Variants in INTS14 observed in about 807,000 individuals in gnomAD.
The protein encoded by INTS14 is integrator complex subunit 14, also known as UPF0464 protein C15orf44.
INTS14 carries 27 observed loss-of-function variants against 56.9 expected under a neutral mutation model. That is an observed-to-expected ratio of 0.47 (90% CI 0.35 to 0.65). The LOEUF is 0.65. Ranked by LOEUF, INTS14 falls within the 30% of genes least tolerant of loss-of-function variation. INTS14 has a pLI of 0.00. For missense variants in INTS14, 517 were observed against 632.2 expected, an observed-to-expected ratio of 0.82 and a Z score of 1.95; for synonymous variants, 207 against 236.2, an observed-to-expected ratio of 0.88 and a Z score of 1.13.
chr15:65,585,604 CTG>C (rs1267506536), intron 9 of INTS14, among the ~76,000 whole-genome samples: 3 of 152,164 alleles, frequency 2.0e-5, no homozygotes, highest in Non-Finnish European at 4.4e-5. Context: ...GGGTTTGTCT[CTG>C]TACCTGCTTC....
Position 65,593,457 on chromosome 15 carries a change from C to T in INTS14, c.957G>A (p.Val319=), listed in dbSNP as rs1181972948. ...ATTGAACAATCGCTACCATTCCTTC[C>T]ACTTTTAGGCTACCATGGAGCAGGA... The part of the protein sequence containing the change: ...FCVLLHGSLK[V]EGMVAIVQLG... Residue 319 remains valine, a synonymous_variant, in exon 8 of 12, where the codon GTG becomes GTA. Coordinates refer to ENST00000313182, the MANE Select transcript of INTS14 (RefSeq NM_001394796.1). 2 of 1,613,276 alleles carry T rather than the reference C, an allele frequency of 1.2e-6. No individual in the cohort carries two copies. Among genetic ancestry groups the T allele is most frequent in the Non-Finnish European group, 8.5e-7 (1 of 1,179,696 alleles).
chr15:65,589,138 T>C (rs1479547447), intron 9 of INTS14, among the ~76,000 whole-genome samples: 1 of 152,206 alleles, frequency 6.6e-6, no homozygotes, highest in East Asian at 1.9e-4. Flanking sequence ...ATAGGCATCT[T>C]TGGTGAAAAC....
intron 9 of INTS14, among the ~76,000 whole-genome samples, chr15:65,588,513 C>T (rs1310481739): frequency 1.3e-5 from 2 of 151,540 alleles, no homozygotes; most frequent in Non-Finnish European, 2.9e-5. Context: ...ACTAAAAATA[C>T]AACAATTAGC....
intron 3 of INTS14, 132 bp downstream of exon 3, chr15:65,604,997 A>G: frequency 1.4e-6 from 1 of 690,234 alleles, no homozygotes; most frequent in Non-Finnish European, 2.5e-6. Context: ...CCTTCACTTA[A>G]GAAGATACCA....
chr15:65,583,325 A>C (rs1424858054), intron 10 of INTS14, among the ~76,000 whole-genome samples: 1 of 152,370 alleles, frequency 6.6e-6, no homozygotes, highest in East Asian at 1.9e-4. Flanking sequence ...TGACATATAC[A>C]TATAGACATA....
Position 65,595,827 on chromosome 15 carries a change from T to G in INTS14, c.749-2A>C. ...CAATAAATCCCACTATTTCCAAATCTGAAATGAAGGAATCAACACAGAATT... is the reference window on the plus strand; with the variant it reads ...CAATAAATCCCACTATTTCCAAATCGGAAATGAAGGAATCAACACAGAATT... On this transcript the variant is annotated splice_acceptor_variant, in intron 6 of 11. Transcript: ENST00000313182. LOFTEE classifies it high-confidence loss of function. 1 of 1,592,412 alleles carries G rather than the reference T, an allele frequency of 6.3e-7. No individual in the cohort carries two copies. The highest frequency in any genetic ancestry group is 8.5e-7 in the Non-Finnish European group (1 of 1,169,988).
intron 9 of INTS14, among the ~76,000 whole-genome samples, chr15:65,590,347 G>A (rs2072978768): frequency 6.6e-6 from 1 of 152,210 alleles, no homozygotes; most frequent in Admixed American, 6.5e-5. Flanking sequence ...TGTTCTCACT[G>A]TAGCCAGAAG....
chr15:65,606,132 G>A (rs2073637361), intron 2 of INTS14, among the ~76,000 whole-genome samples: 1 of 151,796 alleles, frequency 6.6e-6, no homozygotes, highest in African/African-American at 2.4e-5. Flanking sequence ...GCGGGCGCCT[G>A]TACTCCCAGC....
chr15:65,602,787 C>T (rs550693463), intron 3 of INTS14, among the ~76,000 whole-genome samples: 4 of 152,228 alleles, frequency 2.6e-5, no homozygotes, highest in Admixed American at 2.0e-4. Flanking sequence ...CCTGCCGCAG[C>T]CTCCTGAGTG....
intron 3 of INTS14, among the ~76,000 whole-genome samples, chr15:65,602,770 C>G (rs969348441): frequency 2.6e-5 from 4 of 151,858 alleles, no homozygotes; most frequent in Non-Finnish European, 5.9e-5. Flanking sequence ...CCGGTTCAAG[C>G]GATTCTCCTG....
At chr15:65,581,064 C>CG (rs1566915271) in intron 11 of INTS14, among the ~76,000 whole-genome samples, 2 of 151,814 alleles carry the variant, frequency 1.3e-5, no homozygotes, top group African/African-American at 4.8e-5. Context: ...GCCAACACAG[C>CG]GAAACCCCAT....
At chr15:65,596,009 A>T (rs2073198352) in intron 6 of INTS14, among the ~76,000 whole-genome samples, 184 bp from the exon 7 acceptor site, 1 of 152,224 alleles carries the variant, frequency 6.6e-6, no homozygotes, top group African/African-American at 2.4e-5. Context: ...GGAAATAATG[A>T]TAACTGTCAT....
chr15:65,607,901 CTTG>C (rs1287005053), intron 1 of INTS14, among the ~76,000 whole-genome samples: 3 of 152,140 alleles, frequency 2.0e-5, no homozygotes, highest in Admixed American at 2.0e-4. Context: ...GGTTGGTGCT[CTTG>C]TTTTAGTAAA....
chr15:65,588,246 G>A (rs1010750907), intron 9 of INTS14, among the ~76,000 whole-genome samples: 1 of 151,946 alleles, frequency 6.6e-6, no homozygotes, highest in African/African-American at 2.4e-5. Context: ...CTGAGATCAC[G>A]CCACTACAGT....
At chr15:65,593,286 T>A in intron 8 of INTS14, 142 bp downstream of exon 8, 1 of 996,226 alleles carries the variant, frequency 1.0e-6, no homozygotes, top group Non-Finnish European at 1.4e-6. Context: ...AGGACTGTAG[T>A]AGCAGGTGGG....
At position 65,599,153 on chromosome 15, in the gene INTS14, A is replaced by G. The variant is rs181426705; in HGVS notation, c.487-163T>C. On this transcript the variant is annotated intron_variant, in intron 4 of 11. Transcript: ENST00000313182. ...AAATAACAACAACAATTTTGACTCA[A>G]GGTTACCAAAGAGGAATGTTACGTA... Among the ~76,000 whole-genome samples, 220 of 152,366 alleles carry G rather than the reference A, an allele frequency of 1.4e-3. 1 individual carries two copies. The highest frequency in any genetic ancestry group is 5.9e-4 in the Non-Finnish European group (40 of 68,038).
At chr15:65,607,081 T>C in intron 2 of INTS14, 78 bp downstream of exon 2, 2 of 1,512,284 alleles carry the variant, frequency 1.3e-6, no homozygotes, top group East Asian at 2.3e-5. Flanking sequence ...AAGTTCTAAA[T>C]ATTCAACGCA....
At chr15:65,594,564 T>G (rs1023362849) in intron 7 of INTS14, among the ~76,000 whole-genome samples, 2 of 150,260 alleles carry the variant, frequency 1.3e-5, no homozygotes, top group Admixed American at 6.6e-5. Flanking sequence ...AGGTTTTTTT[T>G]TTTTTTTTTT....
At chr15:65,580,395 A>G (rs1463088871) in intron 11 of INTS14, among the ~76,000 whole-genome samples, 1 of 152,202 alleles carries the variant, frequency 6.6e-6, no homozygotes, top group Non-Finnish European at 1.5e-5. Flanking sequence ...ATCTGTTAAA[A>G]AAGTGGAAAG....
Sources: gnomAD v4.1 joint callset for allele counts (sites outside exome capture counted in the v4.1 genomes callset) on GRCh38, gnomAD v4.1.1 for gene constraint, MANE v1.5 for transcripts, NCBI Gene and HGNC (gene_info 2026-07-23, HGNC 2026-07-21) for gene names.